The following CPQ variants were observed in gnomAD, a reference collection of about 807,000 sequenced individuals.
CPQ encodes the protein Ser-Met dipeptidase.
A neutral mutation model predicts 45.7 loss-of-function variants in CPQ; 37 were observed. The ratio of observed to expected loss-of-function variants is 0.81; its 90% CI spans 0.62 to 1.07. CPQ has a LOEUF of 1.07. Among genes scored for constraint, CPQ ranks in the 50% least tolerant of loss-of-function variants. CPQ has a pLI of 0.00. For synonymous variants in CPQ, 186 were observed against 205.8 expected (o/e 0.90, Z 0.82); for missense variants, 537 against 572.9 (o/e 0.94, Z 0.64).
At chr8:97,090,065 T>C (rs564339981) in intron 7 of CPQ, among the ~76,000 whole-genome samples, 1 of 152,296 alleles carries the variant, frequency 6.6e-6, no homozygotes, top group Admixed American at 6.5e-5. Flanking sequence ...TAGGCAGTGT[T>C]TTCCCAGGTA....
At chr8:96,832,548 G>A (rs1022955846) in intron 2 of CPQ, among the ~76,000 whole-genome samples, 1 of 152,110 alleles carries the variant, frequency 6.6e-6, no homozygotes, top group Non-Finnish European at 1.5e-5. Context: ...GGTAGAGAGA[G>A]TTTCATTAAG....
At chr8:96,782,555 G>C (rs1270018563) in intron 1 of CPQ, among the ~76,000 whole-genome samples, 1 of 152,130 alleles carries the variant, frequency 6.6e-6, no homozygotes, top group Non-Finnish European at 1.5e-5. Context: ...TTGATGAATA[G>C]CACCTGGCTC....
At chr8:97,035,142 C>T (rs910366273) in intron 6 of CPQ, among the ~76,000 whole-genome samples, 4 of 152,168 alleles carry the variant, frequency 2.6e-5, no homozygotes, top group African/African-American at 7.2e-5. Flanking sequence ...CCACCTGCCT[C>T]GGCCTCCTAA....
Position 96,854,560 on chromosome 8 carries a change from T to A in CPQ, c.641+19380T>A, listed in dbSNP as rs1345477718. Among the ~76,000 whole-genome samples the A allele has an allele frequency of 2.8e-3, 170 of 60,436 alleles. 17 individuals are homozygous for A. The highest frequency in any genetic ancestry group is 3.5e-3 in the Non-Finnish European group (104 of 29,372). The allele number at this position is 60,436 out of a possible 152,430, so 39.6% of individuals were successfully genotyped here. On this transcript the variant is annotated intron_variant, in intron 3 of 7. Transcript: ENST00000220763. ...AAAAAAAAAAAAAAAAAAAAAAAAATGTGGTGGAACTAAAAGCCCAGTAAA... is the reference window on the plus strand; with the variant it reads ...AAAAAAAAAAAAAAAAAAAAAAAAAAGTGGTGGAACTAAAAGCCCAGTAAA...
At chr8:96,923,796 G>A (rs557513179) in intron 4 of CPQ, among the ~76,000 whole-genome samples, 4 of 152,282 alleles carry the variant, frequency 2.6e-5, no homozygotes, top group South Asian at 2.1e-4. Context: ...GGTAAAGAAG[G>A]AGAGGAAAGG....
At chr8:96,886,809 A>C (rs1812312285) in intron 4 of CPQ, among the ~76,000 whole-genome samples, 1 of 152,166 alleles carries the variant, frequency 6.6e-6, no homozygotes, top group African/African-American at 2.4e-5. Flanking sequence ...ATCCTTACCA[A>C]GTCATTTTTA....
chr8:97,007,892 T>C (rs758774124), intron 5 of CPQ, among the ~76,000 whole-genome samples: 15 of 152,186 alleles, frequency 9.9e-5, no homozygotes, highest in Non-Finnish European at 1.5e-4. Flanking sequence ...TATAGTCTGT[T>C]AGGAAACAAA....
chr8:96,875,110 T>C (rs1202868396), intron 3 of CPQ, among the ~76,000 whole-genome samples: 1 of 151,972 alleles, frequency 6.6e-6, no homozygotes, highest in Non-Finnish European at 1.5e-5. Flanking sequence ...CATGTAATTA[T>C]AGTCCATTTA....
intron 5 of CPQ, among the ~76,000 whole-genome samples, chr8:97,014,856 T>C (rs555929278): frequency 1.3e-5 from 2 of 152,132 alleles, no homozygotes; most frequent in South Asian, 2.1e-4. Flanking sequence ...ACCATAATCA[T>C]AAAAAGGAGC....
intron 3 of CPQ, among the ~76,000 whole-genome samples, chr8:96,843,246 C>A (rs1023012064): frequency 4.6e-5 from 7 of 151,966 alleles, no homozygotes; most frequent in Non-Finnish European, 8.8e-5. Flanking sequence ...TAATGCCTGA[C>A]CTATAGTAAG....
intron 1 of CPQ, among the ~76,000 whole-genome samples, chr8:96,663,923 G>C (rs1808886968): frequency 6.6e-6 from 1 of 152,012 alleles, no homozygotes. Context: ...TTATTCTTTG[G>C]AAAAGTTGGA....
intron 3 of CPQ, among the ~76,000 whole-genome samples, chr8:96,836,818 T>C (rs562006884): frequency 6.6e-6 from 1 of 151,476 alleles, no homozygotes; most frequent in African/African-American, 2.4e-5. Context: ...TCTGGCATAA[T>C]GAAGACATCT....
chr8:96,959,442 C>T (rs190137269), intron 4 of CPQ, among the ~76,000 whole-genome samples: 1 of 152,250 alleles, frequency 6.6e-6, no homozygotes, highest in Admixed American at 6.5e-5. Flanking sequence ...TAGAAAATCT[C>T]CAAGGCAGGA....
At chr8:96,959,681 TA>T (rs763309163) in intron 4 of CPQ, among the ~76,000 whole-genome samples, 79 of 152,202 alleles carry the variant, frequency 5.2e-4, no homozygotes, top group Non-Finnish European at 5.7e-4. Flanking sequence ...AATAATGAGT[TA>T]TTTTTTTTTC....
At chr8:96,974,269 A>G (rs986487233) in intron 5 of CPQ, among the ~76,000 whole-genome samples, 2 of 152,220 alleles carry the variant, frequency 1.3e-5, no homozygotes, top group Admixed American at 6.5e-5. Context: ...GTTTAAAAAG[A>G]TGAAGAGAGA....
In CPQ at chr8:96,923,001, GGA is replaced by G. The variant is rs1343090417; in HGVS notation, c.850-42932_850-42931del. ...GCTGACTTTTAAAATCAAAGTAATA[GGA>G]GGACTATGCAATGGAGACAACTCCT... is the stretch of plus-strand genomic sequence containing the variant. On this transcript the variant is annotated intron_variant, in intron 4 of 7. Transcript: ENST00000220763. 3.9e-5 allele frequency among the ~76,000 whole-genome samples: 6 copies of G among 152,114 alleles called. No individual in the cohort carries two copies. The South Asian group carries it at 1.2e-3, about 32-fold the overall frequency.
intron 3 of CPQ, among the ~76,000 whole-genome samples, chr8:96,844,965 G>T (rs1438724902): frequency 6.6e-6 from 1 of 152,130 alleles, no homozygotes; most frequent in East Asian, 1.9e-4. Flanking sequence ...AGTATCAGTG[G>T]CCAGCTTACC....
intron 1 of CPQ, among the ~76,000 whole-genome samples, chr8:96,655,679 A>G (rs1343231904): frequency 6.6e-6 from 1 of 152,200 alleles, no homozygotes; most frequent in East Asian, 1.9e-4. Flanking sequence ...GTAAGTAAGA[A>G]ATGTGTTTAA....
At chr8:97,056,116 A>G (rs929318278) in intron 6 of CPQ, among the ~76,000 whole-genome samples, 17 of 152,040 alleles carry the variant, frequency 1.1e-4, no homozygotes, top group Non-Finnish European at 2.4e-4. Flanking sequence ...ACACACACAC[A>G]CACACACACA....
Sources: allele counts gnomAD v4.1 joint callset (sites outside exome capture counted in the v4.1 genomes callset), GRCh38; gene constraint gnomAD v4.1.1; transcripts MANE v1.5; gene names NCBI Gene and HGNC (gene_info 2026-07-23, HGNC 2026-07-21).